The following SLC35F4 variants were observed in gnomAD, a reference collection of about 807,000 sequenced individuals.
SLC35F4 encodes the protein chromosome 14 open reading frame 36.
SLC35F4 carries 24 observed loss-of-function variants against 44.2 expected under a neutral mutation model. The observed-to-expected ratio is 0.54, with a 90% CI of 0.39 to 0.76. The LOEUF (loss-of-function observed/expected upper bound fraction) is 0.76. SLC35F4 is among the 30% of genes least tolerant of loss of function. SLC35F4 has a pLI of 0.00. For missense variants in SLC35F4, 562 were observed against 586.1 expected (o/e 0.96, Z 0.42); for synonymous variants, 238 against 223.6 (o/e 1.06, Z -0.57).
At chr14:57,597,618 C>T (rs763272030) in intron 1 of SLC35F4, among the ~76,000 whole-genome samples, 36 of 152,102 alleles carry the variant, frequency 2.4e-4, no homozygotes, top group Non-Finnish European at 4.4e-4. Context: ...CATTCAGAAG[C>T]CTGGAGCAGG....
chr14:57,565,552 G>A (rs1345488947), intron 7 of SLC35F4, among the ~76,000 whole-genome samples: 1 of 152,158 alleles, frequency 6.6e-6, no homozygotes, highest in African/African-American at 2.4e-5. Context: ...GACAGTTCCT[G>A]GTGTACACTA....
intron 1 of SLC35F4, among the ~76,000 whole-genome samples, chr14:57,682,298 C>T (rs2224711): frequency 0.63 from 95,181 of 152,088 alleles, 30,037 homozygotes; most frequent in South Asian, 0.71. Flanking sequence ...ATATACACCA[C>T]GGAATACTAT....
Position 57,961,215 on chromosome 14 carries a change from A to C in SLC35F4, n.282+20698T>G, listed in dbSNP as rs1211643008. ...TCTGGCTTCCTCGTACCCCACAAAA[A>C]TCTGCACTGGGACCAAATACCATCT... On this transcript the variant is annotated intron_variant and non_coding_transcript_variant, in intron 1 of 1. Transcript: ENST00000556568. 2.0e-5 allele frequency among the ~76,000 whole-genome samples: 3 copies of C among 152,126 alleles called. No homozygotes were observed. In the South Asian group the frequency reaches 6.2e-4, roughly 32 times the overall value.
At position 57,943,751 on chromosome 14, in the gene SLC35F4, G is replaced by A. The variant is rs73304472; in HGVS notation, n.282+38162C>T. Among the ~76,000 whole-genome samples, 657 of 152,288 alleles carry A rather than the reference G, an allele frequency of 4.3e-3. 4 individuals are homozygous for A. Among genetic ancestry groups the A allele is most frequent in the African/African-American group, 0.015 (623 of 41,552 alleles). Reference sequence around the variant, plus strand: ...TCGATTCAGTTAACCGCCAGTGCTGGTTCTAATTCTAAATCTTGAGAAAGT... The same window carrying A: ...TCGATTCAGTTAACCGCCAGTGCTGATTCTAATTCTAAATCTTGAGAAAGT... On this transcript the variant is annotated intron_variant and non_coding_transcript_variant, in intron 1 of 1. Transcript: ENST00000556568.
chr14:57,950,677 T>TTTTTTTTTC (rs1890120617), intron 1 of SLC35F4, among the ~76,000 whole-genome samples: 1 of 146,250 alleles, frequency 6.8e-6, no homozygotes, highest in African/African-American at 2.5e-5. Context: ...CTTTCTTTCT[T>TTTTTTTTTC]TTTTTTTTTT....
At chr14:57,582,177 T>C (rs917691577) in intron 3 of SLC35F4, among the ~76,000 whole-genome samples, 3 of 150,238 alleles carry the variant, frequency 2.0e-5, no homozygotes, top group Non-Finnish European at 3.0e-5. Flanking sequence ...GCCATTTTTT[T>C]CCTTTAAGTC....
rs1451761523 is a variant in SLC35F4, at chr14:57,880,029, G to T, written n.282+101884C>A. 2.6e-5 allele frequency among the ~76,000 whole-genome samples: 3 copies of T among 114,564 alleles called. No individual in the cohort carries two copies. In the East Asian group the frequency reaches 7.7e-4, roughly 30 times the overall value. 75.2% of individuals were successfully genotyped at this position (114,564 alleles called of 152,430 possible). A position where few individuals can be genotyped will look rare whatever the true frequency, so the allele number is the denominator to read the frequency against. ...AGAAGGGAAAGGAAAGGAAAGGAAAGGAGGGAGGAAGGAAGGAAGGAAGGA... is the reference window on the plus strand; with the variant it reads ...AGAAGGGAAAGGAAAGGAAAGGAAATGAGGGAGGAAGGAAGGAAGGAAGGA... On this transcript the variant is annotated intron_variant and non_coding_transcript_variant, in intron 1 of 1. Transcript: ENST00000556568.
intron 1 of SLC35F4, among the ~76,000 whole-genome samples, chr14:57,620,764 G>T (rs2072134042): frequency 6.6e-6 from 1 of 152,178 alleles, no homozygotes; most frequent in Non-Finnish European, 1.5e-5. Context: ...GGCAAGACAG[G>T]GATGCCCTCT....
chr14:57,756,331 CT>C (rs1046160883), intron 1 of SLC35F4, among the ~76,000 whole-genome samples: 3 of 151,844 alleles, frequency 2.0e-5, no homozygotes, highest in African/African-American at 7.3e-5. Flanking sequence ...CTATGGTTTT[CT>C]TTTTTTAGAA....
chr14:57,675,399 T>C (rs1460987284), intron 1 of SLC35F4, among the ~76,000 whole-genome samples: 1 of 152,098 alleles, frequency 6.6e-6, no homozygotes, highest in Non-Finnish European at 1.5e-5. Flanking sequence ...GAAAAAGGGA[T>C]GAGCATTTTT....
chr14:57,600,136 C>T (rs1313616244), intron 1 of SLC35F4, among the ~76,000 whole-genome samples: 3 of 152,200 alleles, frequency 2.0e-5, no homozygotes, highest in Admixed American at 2.0e-4. Flanking sequence ...GATCTCCTAA[C>T]CCCCTACTAG....
At chr14:57,878,745 G>T (rs908320119) in intron 1 of SLC35F4, among the ~76,000 whole-genome samples, 2 of 151,756 alleles carry the variant, frequency 1.3e-5, no homozygotes, top group Admixed American at 6.6e-5. Context: ...TATTGTTGTT[G>T]TTCACTATTG....
chr14:57,973,205 G>C (rs1372908946), downstream of SLC35F4, among the ~76,000 whole-genome samples: 3 of 152,112 alleles, frequency 2.0e-5, no homozygotes, highest in Non-Finnish European at 4.4e-5. Context: ...TTGTATGGTG[G>C]TGATACTTTC....
chr14:57,624,035 A>C (rs1346642770), intron 1 of SLC35F4, among the ~76,000 whole-genome samples: 1 of 152,222 alleles, frequency 6.6e-6, no homozygotes, highest in Admixed American at 6.5e-5. Flanking sequence ...AATGATCAAC[A>C]AAATTGATGG....
chr14:57,741,798 A>G (rs2076616165), intron 1 of SLC35F4, among the ~76,000 whole-genome samples: 2 of 152,212 alleles, frequency 1.3e-5, no homozygotes. Context: ...TGAAACGAAG[A>G]AAAAATGTTA....
chr14:57,883,174 G>A (rs1223578467), intron 1 of SLC35F4, among the ~76,000 whole-genome samples: 7 of 152,118 alleles, frequency 4.6e-5, no homozygotes, highest in African/African-American at 1.7e-4. Flanking sequence ...GTATAGATGA[G>A]GCCAACCCCC....
At chr14:57,812,815 G>A (rs929455902) in intron 1 of SLC35F4, among the ~76,000 whole-genome samples, 7 of 152,102 alleles carry the variant, frequency 4.6e-5, no homozygotes, top group Admixed American at 1.3e-4. Context: ...AATACCACAT[G>A]TACAGTATAA....
intron 1 of SLC35F4, among the ~76,000 whole-genome samples, chr14:57,880,041 GAAGGA>G (rs1566919970): frequency 5.3e-3 from 5 of 950 alleles, no homozygotes; most frequent in Admixed American, 0.013. Context: ...AGGGAGGAAG[GAAGGA>G]AGGAAGGAAG....
At chr14:57,701,271 T>G (rs1190494582) in intron 1 of SLC35F4, among the ~76,000 whole-genome samples, 1 of 152,190 alleles carries the variant, frequency 6.6e-6, no homozygotes, top group African/African-American at 2.4e-5. Flanking sequence ...ACTGGAAGGT[T>G]ATAAGAGCAA....
Sources: allele counts gnomAD v4.1 joint callset (sites outside exome capture counted in the v4.1 genomes callset), GRCh38; gene constraint gnomAD v4.1.1; transcripts MANE v1.5; gene names NCBI Gene and HGNC (gene_info 2026-07-23, HGNC 2026-07-21).